The following HHIP variants were observed in gnomAD, a reference collection of about 807,000 sequenced individuals.
The protein encoded by HHIP is hedgehog interacting protein.
Under a neutral mutation model 74.0 loss-of-function variants are expected in HHIP, and 12 were observed. That is an observed-to-expected ratio of 0.16 (90% CI 0.10 to 0.26). HHIP has a LOEUF of 0.26. Among genes scored for constraint, HHIP ranks in the 10% least tolerant of loss-of-function variants. HHIP has a pLI of 1.00. For synonymous variants in HHIP, 309 were observed against 311.6 expected (o/e 0.99, Z 0.09); for missense variants, 788 against 845.0 (o/e 0.93, Z 0.84).
rs200026250 is a variant in HHIP, at chr4:144,659,724, G to T, written c.717G>T (p.Ser239=). Residue 239 remains serine (S), a synonymous_variant, in exon 4 of 13, where the codon TCG becomes TCT. Coordinates refer to ENST00000296575, the MANE Select transcript of HHIP (RefSeq NM_022475.3). The stretch of plus-strand genomic sequence containing the variant: ...GTGCCCTGCATAGTGGGGATGGCTC[G>T]CAACGTCTCTTCATTCTGGAAAAAG... The part of the protein sequence containing the change: ...PVGALHSGDG[S]QRLFILEKEG... 11 of 1,610,010 alleles carry T rather than the reference G, an allele frequency of 6.8e-6. No homozygotes were observed. Among genetic ancestry groups the T allele is most frequent in the African/African-American group, 2.7e-5 (2 of 74,660 alleles).
intron 11 of HHIP, among the ~76,000 whole-genome samples, chr4:144,723,536 A>G (rs145047746): frequency 9.2e-5 from 14 of 152,346 alleles, no homozygotes; most frequent in Admixed American, 2.0e-4. Flanking sequence ...AAAGTTACAC[A>G]TAATAGAGCA....
chr4:144,689,459 A>C (rs1026501041), intron 4 of HHIP, among the ~76,000 whole-genome samples: 2 of 152,212 alleles, frequency 1.3e-5, no homozygotes, highest in Admixed American at 6.5e-5. Flanking sequence ...TAATCTTGGG[A>C]AGTGATTCCA....
rs1378474480 is a variant in HHIP, at chr4:144,742,991, T to C, written c.*5034T>C. On this transcript the variant is annotated 3_prime_UTR_variant, in exon 13 of 13. Coordinates refer to ENST00000296575, the MANE Select transcript of HHIP (RefSeq NM_022475.3). Reference sequence around the variant, plus strand: ...TATATGTATATATATATACATTATATATATATAATATATATATATTATATA... The same window carrying C: ...TATATGTATATATATATACATTATACATATATAATATATATATATTATATA... The C allele has an allele frequency of 4.1e-3, 2 of 492 alleles. No homozygotes were observed. The highest frequency in any genetic ancestry group is 5.9e-3 in the African/African-American group (2 of 340). 0.0% of individuals were successfully genotyped at this position (492 alleles called of 1,614,324 possible). A position where few individuals can be genotyped will look rare whatever the true frequency, so the allele number is the denominator to read the frequency against.
At chr4:144,691,464 A>G (rs1034190033) in intron 4 of HHIP, among the ~76,000 whole-genome samples, 6 of 152,230 alleles carry the variant, frequency 3.9e-5, no homozygotes, top group Non-Finnish European at 8.8e-5. Context: ...ATTTGTGTCC[A>G]TAATTAGGCT....
chr4:144,707,397 T>A (rs187181303), intron 6 of HHIP, 137 bp downstream of exon 6: 19 of 658,504 alleles, frequency 2.9e-5, no homozygotes, highest in Admixed American at 6.3e-5. Context: ...GTCATCAGTG[T>A]CTGCATTTAT....
At chr4:144,670,719 A>C (rs956144954) in intron 4 of HHIP, among the ~76,000 whole-genome samples, 2 of 150,066 alleles carry the variant, frequency 1.3e-5, no homozygotes, top group African/African-American at 2.4e-5. Context: ...AAAAAAAAAA[A>C]AACAAACAAG....
intron 8 of HHIP, among the ~76,000 whole-genome samples, chr4:144,712,940 G>A (rs1560716303): frequency 7.0e-6 from 1 of 141,982 alleles, no homozygotes. Flanking sequence ...AAACCAAAGA[G>A]TAATGTGATT....
At chr4:144,701,183 C>G (rs916798550) in intron 4 of HHIP, among the ~76,000 whole-genome samples, 1 of 152,102 alleles carries the variant, frequency 6.6e-6, no homozygotes, top group African/African-American at 2.4e-5. Flanking sequence ...ATTAAGAGAG[C>G]AACAATTTTA....
intron 4 of HHIP, among the ~76,000 whole-genome samples, chr4:144,696,920 C>T (rs1469580920): frequency 1.3e-5 from 2 of 151,934 alleles, no homozygotes; most frequent in Non-Finnish European, 2.9e-5. Context: ...ACGATGTGGT[C>T]TCTGCCTTCA....
chr4:144,698,922 C>CGA (rs1451181428), intron 4 of HHIP, among the ~76,000 whole-genome samples: 1 of 152,164 alleles, frequency 6.6e-6, no homozygotes, highest in Admixed American at 6.5e-5. Flanking sequence ...GACTTGATCA[C>CGA]GATCTCCATT....
chr4:144,726,228 A>G lies in HHIP; in HGVS notation c.1760+7272A>G, dbSNP rs539584790. 1.4e-4 allele frequency among the ~76,000 whole-genome samples: 22 copies of G among 152,206 alleles called. No homozygotes were observed. The South Asian group carries it at 4.6e-3, about 32-fold the overall frequency. ...GGCATTGGCTTTTTTATTATAACCT[A>G]ATTATTTAGTTTTTATTTTGTGTCA... On this transcript the variant is annotated intron_variant, in intron 11 of 12. Coordinates refer to ENST00000296575, the MANE Select transcript of HHIP (RefSeq NM_022475.3).
chr4:144,649,043 A>G (rs1249864797), intron 1 of HHIP, among the ~76,000 whole-genome samples: 5 of 152,196 alleles, frequency 3.3e-5, no homozygotes, highest in Admixed American at 3.3e-4. Flanking sequence ...ATAGCTATGC[A>G]TATGCATTCT....
chr4:144,650,888 A>T (rs1051450624), intron 1 of HHIP: 1 of 152,114 alleles, frequency 6.6e-6, no homozygotes, highest in Admixed American at 6.6e-5. Context: ...CAGCTGAGAG[A>T]GTATATGAGG....
At position 144,738,441 on chromosome 4, in the gene HHIP, A is replaced by T. The variant is rs1731182759; in HGVS notation, c.*484A>T. ...GAGAATGTTTCAGAACTCCCTGATG[A>T]ATTTCTAAGTGAGCAACTTGATATA... On this transcript the variant is annotated 3_prime_UTR_variant, in exon 13 of 13. Transcript: ENST00000296575. 1.0e-6 allele frequency: 1 copy of T among 977,186 alleles called. No homozygotes were observed. Among genetic ancestry groups the T allele is most frequent in the Non-Finnish European group, 1.2e-6 (1 of 822,148 alleles). The allele number at this position is 977,186 out of a possible 1,614,324, so 60.5% of individuals were successfully genotyped here.
intron 4 of HHIP, among the ~76,000 whole-genome samples, chr4:144,693,152 A>G (rs888430544): frequency 6.6e-6 from 1 of 152,098 alleles, no homozygotes; most frequent in African/African-American, 2.4e-5. Flanking sequence ...TAAACACTTC[A>G]TTTGCCCTAC....
chr4:144,730,346 T>C (rs1730918947), intron 11 of HHIP, among the ~76,000 whole-genome samples: 1 of 152,188 alleles, frequency 6.6e-6, no homozygotes. Flanking sequence ...ATGAAGGGAT[T>C]AGGAAATATG....
rs1286187741 is a variant in HHIP at position 144,670,769 on chromosome 4, A to G, written c.831+10931A>G. On this transcript the variant is annotated intron_variant, in intron 4 of 12. Transcript: ENST00000296575. ...TGAAAAGATGCTTAAGATTTGAAAAAAAAAAAAAAAAAAAAAAAAGAAAGA... is the reference window on the plus strand; with the variant it reads ...TGAAAAGATGCTTAAGATTTGAAAAGAAAAAAAAAAAAAAAAAAAGAAAGA... 5.5e-3 allele frequency among the ~76,000 whole-genome samples: 787 copies of G among 142,532 alleles called. 4 individuals are homozygous for G. Among genetic ancestry groups the G allele is most frequent in the African/African-American group, 0.018 (681 of 37,430 alleles). 93.5% of individuals were successfully genotyped at this position (142,532 alleles called of 152,430 possible).
chr4:144,718,092 GA>G (rs1730513571), intron 10 of HHIP, among the ~76,000 whole-genome samples: 1 of 152,112 alleles, frequency 6.6e-6, no homozygotes, highest in Non-Finnish European at 1.5e-5. Flanking sequence ...ACAGGAGGAG[GA>G]AAATCAAAAT....
At chr4:144,658,462 C>T (rs562301471) in intron 2 of HHIP, among the ~76,000 whole-genome samples, 133 of 151,666 alleles carry the variant, frequency 8.8e-4, no homozygotes, top group Admixed American at 3.0e-3. Context: ...CTCCACCTCC[C>T]GGTTCAAGTG....
Sources: gnomAD v4.1 joint callset for allele counts (sites outside exome capture counted in the v4.1 genomes callset) on GRCh38, gnomAD v4.1.1 for gene constraint, MANE v1.5 for transcripts, NCBI Gene and HGNC (gene_info 2026-07-23, HGNC 2026-07-21) for gene names.